Variants in CHFR observed in about 807,000 individuals in gnomAD.
The protein encoded by CHFR is E3 ubiquitin-protein ligase CHFR.
In CHFR, 57 loss-of-function variants were observed where a neutral mutation model predicts 87.6. That is an observed-to-expected ratio of 0.65 (90% confidence interval 0.53 to 0.81). The LOEUF (loss-of-function observed/expected upper bound fraction) is 0.81. CHFR is among the 30% of genes least tolerant of loss of function. The pLI is 0.00. For missense variants in CHFR, 797 were observed against 865.8 expected (o/e 0.92, Z 1.00); for synonymous variants, 381 against 359.2 (o/e 1.06, Z -0.69).
In CHFR at chr12:132,833,444, G is replaced by A. The variant is rs1435473603; in HGVS notation, c.*8110C>T. 6.6e-6 allele frequency: 1 copy of A among 152,312 alleles called. No homozygotes were observed. Among genetic ancestry groups the A allele is most frequent in the Non-Finnish European group, 1.5e-5 (1 of 68,084 alleles). The allele number at this position is 152,312 out of a possible 1,614,324, so 9.4% of individuals were successfully genotyped here. ...TGACAGAAAGAGTCAAGAAAAGGCAGAGGCAACCCTGGGGAGGCTCGCTGC... is the reference window on the plus strand; with the variant it reads ...TGACAGAAAGAGTCAAGAAAAGGCAAAGGCAACCCTGGGGAGGCTCGCTGC... On this transcript the variant is annotated 3_prime_UTR_variant, in exon 18 of 18. Coordinates refer to ENST00000450056, the MANE Select transcript of CHFR (RefSeq NM_001161346.2).
chr12:132,848,052 C>A, intron 14 of CHFR, 33 bp downstream of exon 14: 8 of 1,613,728 alleles, frequency 5.0e-6, no homozygotes, highest in Non-Finnish European at 6.8e-6. Flanking sequence ...GAAAATGTGG[C>A]TCCCGGCTCC....
At chr12:132,858,210 A>T (rs1411432733) in intron 8 of CHFR, among the ~76,000 whole-genome samples, 1 of 152,118 alleles carries the variant, frequency 6.6e-6, no homozygotes, top group Non-Finnish European at 1.5e-5. Context: ...ATACAAAAAA[A>T]TTAGCCAGAT....
rs562728877 is a variant in CHFR, at chr12:132,872,453, T to C, written c.234-59A>G. 1.8e-5 allele frequency: 24 copies of C among 1,304,006 alleles called. No individual in the cohort carries two copies. In the African/African-American group the frequency reaches 2.9e-4, roughly 16 times the overall value. The allele number at this position is 1,304,006 out of a possible 1,614,324, so 80.8% of individuals were successfully genotyped here. A position where few individuals can be genotyped will look rare whatever the true frequency, so the allele number is the denominator to read the frequency against. On this transcript the variant is annotated intron_variant, in intron 3 of 17. Coordinates refer to ENST00000450056, the MANE Select transcript of CHFR (RefSeq NM_001161346.2). ...TAAAATAACTTGGAGTTACAAGATT[T>C]TTTTTCTAGCACCATTAGCAAGCAG... is the stretch of plus-strand genomic sequence containing the variant.
intron 1 of CHFR, 73 bp downstream of exon 1, chr12:132,887,474 G>A: frequency 1.8e-6 from 1 of 558,438 alleles, no homozygotes; most frequent in Non-Finnish European, 2.3e-6. Flanking sequence ...GACGCCGGCG[G>A]GCGCCCCCTC....
chr12:132,869,818 A>G lies in CHFR; in HGVS notation c.404-20T>C. 7 of 1,550,952 alleles carry G rather than the reference A, an allele frequency of 4.5e-6. No homozygotes were observed. Among genetic ancestry groups the G allele is most frequent in the Non-Finnish European group, 6.1e-6 (7 of 1,146,938 alleles). Reference sequence around the variant, plus strand: ...AGGTATCTTTGGTCCCATGGAACACATTTTCCTTGTTAGCTTCTGTAACCC... The same window carrying G: ...AGGTATCTTTGGTCCCATGGAACACGTTTTCCTTGTTAGCTTCTGTAACCC... On this transcript the variant is annotated intron_variant, in intron 5 of 17. Transcript: ENST00000450056.
At chr12:132,873,989 C>G (rs553536043) in intron 3 of CHFR, among the ~76,000 whole-genome samples, 11 of 152,188 alleles carry the variant, frequency 7.2e-5, no homozygotes, top group African/African-American at 2.7e-4. Flanking sequence ...CCCCTACACA[C>G]GTGGTTCCTT....
intron 6 of CHFR, chr12:132,862,263 G>A (rs970037029): frequency 2.0e-5 from 5 of 248,672 alleles, no homozygotes; most frequent in Non-Finnish European, 4.1e-5. Flanking sequence ...CAACAAGAGC[G>A]AAACTCCCTC....
intron 6 of CHFR, chr12:132,866,215 C>A (rs1402565729): frequency 6.6e-6 from 1 of 152,168 alleles, no homozygotes; most frequent in African/African-American, 2.4e-5. Flanking sequence ...AACTTAGTGT[C>A]CCCAATTAGC....
At chr12:132,885,304 G>A (rs1467968323) in intron 2 of CHFR, among the ~76,000 whole-genome samples, 12 of 149,808 alleles carry the variant, frequency 8.0e-5, no homozygotes, top group Admixed American at 2.0e-4. Flanking sequence ...CCAGCTACTC[G>A]GGAGGCTGAG....
At chr12:132,881,191 G>A (rs1323846205) in intron 2 of CHFR, among the ~76,000 whole-genome samples, 1 of 151,656 alleles carries the variant, frequency 6.6e-6, no homozygotes, top group African/African-American at 2.4e-5. Context: ...CATGGGAGGT[G>A]GAGGTTGCAG....
In CHFR at chr12:132,875,064, G is replaced by T. The variant is rs574038401; in HGVS notation, c.233+2491C>A. Among the ~76,000 whole-genome samples, 30 of 152,248 alleles carry T rather than the reference G, an allele frequency of 2.0e-4. 1 individual carries two copies. The highest frequency in any genetic ancestry group is 6.3e-4 in the African/African-American group (26 of 41,554). ...AGCCCAGGACCAGCACCCAGCATGG[G>T]GAAGCCAGGCCCTGAAGCAGGCGGG... is the stretch of plus-strand genomic sequence containing the variant. On this transcript the variant is annotated intron_variant, in intron 3 of 17. Coordinates refer to ENST00000450056, the MANE Select transcript of CHFR (RefSeq NM_001161346.2).
intron 6 of CHFR, chr12:132,867,318 CAG>C (rs1308157331): frequency 2.0e-5 from 3 of 152,372 alleles, no homozygotes; most frequent in East Asian, 1.9e-4. Flanking sequence ...CTGGAATACA[CAG>C]AGAGACATAA....
At position 132,834,404 on chromosome 12, in the gene CHFR, CA is replaced by C; in HGVS notation, c.*7149del. On this transcript the variant is annotated 3_prime_UTR_variant, in exon 18 of 18. Transcript: ENST00000450056. ...AGACAGACTGGACCCTTCCTGAAAA[CA>C]AAAACCAAACGGGATGAGTGTGTGG... The C allele has an allele frequency of 6.6e-6, 1 of 152,484 alleles. No homozygotes were observed. Among genetic ancestry groups the C allele is most frequent in the Non-Finnish European group, 1.5e-5 (1 of 68,182 alleles). The allele number at this position is 152,484 out of a possible 1,614,324, so 9.4% of individuals were successfully genotyped here. A position where few individuals can be genotyped will look rare whatever the true frequency, so the allele number is the denominator to read the frequency against.
At chr12:132,846,321 G>C (rs1950823727) in intron 15 of CHFR, among the ~76,000 whole-genome samples, 2 of 150,036 alleles carry the variant, frequency 1.3e-5, no homozygotes, top group Admixed American at 1.3e-4. Context: ...GGAGTGCAGT[G>C]GCGTGATTTT....
At chr12:132,866,280 A>G (rs991554638) in intron 6 of CHFR, 2 of 152,248 alleles carry the variant, frequency 1.3e-5, no homozygotes, top group African/African-American at 4.8e-5. Flanking sequence ...GTTACAACAC[A>G]CCAGAATGTG....
intron 7 of CHFR, 126 bp from the exon 8 acceptor site, chr12:132,859,353 C>T: frequency 1.1e-6 from 1 of 937,540 alleles, no homozygotes. Flanking sequence ...GAAATACATG[C>T]AGTCTTTTTT....
chr12:132,847,372 T>G, intron 14 of CHFR: 1 of 1,211,938 alleles, frequency 8.3e-7, no homozygotes, highest in Non-Finnish European at 1.0e-6. Flanking sequence ...CTCTCAAAAG[T>G]TCTGCCAAGA....
chr12:132,853,884 AGCACGTGCGC>A, intron 10 of CHFR: 1 of 384,606 alleles, frequency 2.6e-6, no homozygotes, highest in Non-Finnish European at 4.7e-6. Flanking sequence ...GGCAAGGGCC[AGCACGTGCGC>A]GCACGCCCCG....
At chr12:132,886,529 G>A (rs1201033849) in intron 2 of CHFR, among the ~76,000 whole-genome samples, 3 of 152,194 alleles carry the variant, frequency 2.0e-5, no homozygotes, top group Non-Finnish European at 4.4e-5. Flanking sequence ...AAAGGCTTCA[G>A]AGGAAATCAA....
Sources: gnomAD v4.1 joint callset for allele counts (sites outside exome capture counted in the v4.1 genomes callset) on GRCh38, gnomAD v4.1.1 for gene constraint, MANE v1.5 for transcripts, NCBI Gene and HGNC (gene_info 2026-07-23, HGNC 2026-07-21) for gene names.